Variants in SIGLEC8 observed in about 807,000 individuals in gnomAD.
SIGLEC8 encodes sialic acid binding Ig like lectin 8.
SIGLEC8 carries 32 observed loss-of-function variants against 42.1 expected under a neutral mutation model. That is an observed-to-expected ratio of 0.76 (90% CI 0.57 to 1.02). The LOEUF is 1.02. Ranked by LOEUF, SIGLEC8 falls within the 50% of genes least tolerant of loss-of-function variation. The pLI is 0.00. For missense variants in SIGLEC8, 611 were observed against 610.2 expected (o/e 1.00, Z -0.01); for synonymous variants, 262 against 260.3 (o/e 1.01, Z -0.06).
In SIGLEC8 at chr19:51,454,815, A is replaced by G. The variant is rs748281270; in HGVS notation, c.1052-35T>C. On this transcript the variant is annotated intron_variant, in intron 4 of 6. Transcript: ENST00000321424. This position sits in a 1 kb window ranked among gnomAD's most constrained non-coding sequence, Gnocchi z 4.7. ...GATTGGAGTTGCTTTGGGGATTTAT[A>G]TCACGGAGAAGTGGGTCTCTTCCCC... 2 of 1,523,670 alleles carry G rather than the reference A, an allele frequency of 1.3e-6. No homozygotes were observed. The highest frequency in any genetic ancestry group is 9.1e-7 in the Non-Finnish European group (1 of 1,097,922). The allele number at this position is 1,523,670 out of a possible 1,614,324, so 94.4% of individuals were successfully genotyped here.
intron 3 of SIGLEC8, among the ~76,000 whole-genome samples, chr19:51,456,741 C>T (rs981002999): frequency 2.6e-5 from 4 of 152,208 alleles, no homozygotes; most frequent in Non-Finnish European, 4.4e-5. Flanking sequence ...GGAGGACAGA[C>T]TTTGCTGTGC....
At position 51,454,466 on chromosome 19, in the gene SIGLEC8, C is replaced by G; in HGVS notation, c.1149-151G>C. ...GTTCCAGAGACCCCAACGGTGAAAA[C>G]AGAGGCTCCTGCCTCATGGATGGTG... On this transcript the variant is annotated intron_variant, in intron 5 of 6. Transcript: ENST00000321424. This position sits in a 1 kb window ranked among gnomAD's most constrained non-coding sequence, Gnocchi z 4.7. The G allele has an allele frequency of 6.9e-7, 1 of 1,449,758 alleles. No homozygotes were observed. Among genetic ancestry groups the G allele is most frequent in the African/African-American group, 1.4e-5 (1 of 69,608 alleles). 89.8% of individuals were successfully genotyped at this position (1,449,758 alleles called of 1,614,324 possible).
At chr19:51,457,265 A>G (rs757133392) in intron 2 of SIGLEC8, 34 bp from the exon 3 acceptor site, 3 of 1,602,546 alleles carry the variant, frequency 1.9e-6, no homozygotes, top group African/African-American at 1.3e-5. Context: ...CCACATTACT[A>G]TAAGGACTGG....
At position 51,455,668 on chromosome 19, in the gene SIGLEC8, A is replaced by T. The variant is rs746929082; in HGVS notation, c.801T>A (p.Asn267Lys). The T allele has an allele frequency of 1.2e-5, 20 of 1,613,534 alleles. 1 individual carries two copies. The South Asian group carries it at 1.8e-4, about 14-fold the overall frequency. The change falls in exon 4 of 7, where the codon AAT (asparagine) becomes AAA (lysine). Residue 267 changes from asparagine (N) to lysine (K), a missense_variant. Asn to Lys is a moderately conservative substitution (Grantham distance 94, BLOSUM62 0). Coordinates refer to ENST00000321424, the MANE Select transcript of SIGLEC8 (RefSeq NM_014442.3). Reference sequence around the variant, plus strand: ...CCTCAAGGACTGAAAGAGATGAGCCATTTCCCAGGGCTGTGGATGCTGCAG... The same window carrying T: ...CCTCAAGGACTGAAAGAGATGAGCCTTTTCCCAGGGCTGTGGATGCTGCAG... ...GDATASTALG[N>K]GSSLSVLEGQ...
chr19:51,455,877 A>G (rs1408765316), intron 3 of SIGLEC8, among the ~76,000 whole-genome samples, 190 bp from the exon 4 acceptor site: 3 of 152,226 alleles, frequency 2.0e-5, no homozygotes, highest in Non-Finnish European at 4.4e-5. Context: ...CATATACACC[A>G]TGGAATACTA....
At position 51,457,467 on chromosome 19, in the gene SIGLEC8, C is replaced by T. The variant is rs201705878; in HGVS notation, c.727G>A (p.Val243Met). ...VTTTSTVRLD[V>M]SYPPWNLTMT... ...ATCTTGGTCCAGCACTCACAGGACA[C>T]ATCGAGGCGGACGGTACTGGTCGTG... Residue 243 changes from valine to methionine, a missense_variant, in exon 2 of 7, where the codon GTG becomes ATG. Transcript: ENST00000321424. 1.8e-5 allele frequency: 29 copies of T among 1,613,692 alleles called. No homozygotes were observed. In the East Asian group the frequency reaches 6.0e-4, roughly 33 times the overall value.
chr19:51,451,524 C>A lies in SIGLEC8; in HGVS notation c.*855G>T, dbSNP rs1197687744. Reference sequence around the variant, plus strand: ...CCTGAAAACTTATGGCTAAGGGGTGCCCAGCCTGCTGATTGCTTGACTCAG... The same window carrying A: ...CCTGAAAACTTATGGCTAAGGGGTGACCAGCCTGCTGATTGCTTGACTCAG... On this transcript the variant is annotated 3_prime_UTR_variant, in exon 7 of 7. Transcript: ENST00000321424. The A allele has an allele frequency of 6.6e-6, 1 of 152,102 alleles. No homozygotes were observed. The highest frequency in any genetic ancestry group is 1.5e-5 in the Non-Finnish European group (1 of 68,040). The allele number at this position is 152,102 out of a possible 1,614,324, so 9.4% of individuals were successfully genotyped here. A position where few individuals can be genotyped will look rare whatever the true frequency, so the allele number is the denominator to read the frequency against.
At position 51,454,677 on chromosome 19, in the gene SIGLEC8, T is replaced by A; in HGVS notation, c.1148+7A>T. On this transcript the variant is annotated splice_region_variant and intron_variant, in intron 5 of 6. Coordinates refer to ENST00000321424, the MANE Select transcript of SIGLEC8 (RefSeq NM_014442.3). This position sits in a 1 kb window ranked among gnomAD's most constrained non-coding sequence, Gnocchi z 4.7. The stretch of plus-strand genomic sequence containing the variant: ...TCTCTCTCTCCCTCCCCAGGGTCAA[T>A]GCTCACATGATGAAGATGATGCAGA... 1 of 1,608,792 alleles carries A rather than the reference T, an allele frequency of 6.2e-7. No homozygotes were observed. The highest frequency in any genetic ancestry group is 8.5e-7 in the Non-Finnish European group (1 of 1,175,440).
In SIGLEC8 at chr19:51,451,732, A is replaced by G. The variant is rs1875422984; in HGVS notation, c.*647T>C. 1 of 152,234 alleles carries G rather than the reference A, an allele frequency of 6.6e-6. No homozygotes were observed. The highest frequency in any genetic ancestry group is 1.5e-5 in the Non-Finnish European group (1 of 68,052). 9.4% of individuals were successfully genotyped at this position (152,234 alleles called of 1,614,324 possible). A position where few individuals can be genotyped will look rare whatever the true frequency, so the allele number is the denominator to read the frequency against. On this transcript the variant is annotated 3_prime_UTR_variant, in exon 7 of 7. Transcript: ENST00000321424. ...AATATTTATCTGTTTTTGTGAGACCATTTAAAATCTTCTTTTAGCTCCTTG... is the reference window on the plus strand; with the variant it reads ...AATATTTATCTGTTTTTGTGAGACCGTTTAAAATCTTCTTTTAGCTCCTTG...
Position 51,452,311 on chromosome 19 carries a change from C to T in SIGLEC8, c.*68G>A. ...GACATTGGTCCAAGTTTTGGTTAGA[C>T]AGGAGGAGGGAGCCCTGGTGACCTA... On this transcript the variant is annotated 3_prime_UTR_variant, in exon 7 of 7. Transcript: ENST00000321424. 7.2e-7 allele frequency: 1 copy of T among 1,393,522 alleles called. No individual in the cohort carries two copies. Among genetic ancestry groups the T allele is most frequent in the Non-Finnish European group, 9.7e-7 (1 of 1,029,660 alleles). 86.3% of individuals were successfully genotyped at this position (1,393,522 alleles called of 1,614,324 possible).
At position 51,457,694 on chromosome 19, in the gene SIGLEC8, G is replaced by A. The variant is rs1360052765; in HGVS notation, c.500C>T (p.Ser167Phe). 4.4e-6 allele frequency: 7 copies of A among 1,603,412 alleles called. No individual in the cohort carries two copies. Among genetic ancestry groups the A allele is most frequent in the Admixed American group, 1.7e-5 (1 of 58,462 alleles). Reference sequence around the variant, plus strand: ...GCAGGTCAGGTTCCTGGAGTGGCCAGACTCTAGGGTCCCTAGGATGAGGAT... The same window carrying A: ...GCAGGTCAGGTTCCTGGAGTGGCCAAACTCTAGGGTCCCTAGGATGAGGAT... ...PDILILGTLE[S>F]GHSRNLTCSV... Residue 167 changes from serine to phenylalanine, a missense_variant, in exon 2 of 7, where the codon TCT becomes TTT. By Grantham distance (155) the Ser-to-Phe change is radical. Transcript: ENST00000321424.
chr19:51,452,526 G>A lies in SIGLEC8; in HGVS notation c.1353C>T (p.Ser451=). ...GGTCCTGAGGCTTCACTTTATGGAA[G>A]CTGAGGGTTGCATAATGGAGCTCTC... ...EEGELHYATL[S]FHKVKPQDPQ... The change falls in exon 7 of 7, where the codon AGC becomes AGT. Residue 451 remains serine, a synonymous_variant. Transcript: ENST00000321424. 6.2e-7 allele frequency: 1 copy of A among 1,601,476 alleles called. No homozygotes were observed. Among genetic ancestry groups the A allele is most frequent in the Non-Finnish European group, 8.6e-7 (1 of 1,169,472 alleles).
chr19:51,454,420 A>T lies in SIGLEC8; in HGVS notation c.1149-105T>A. ...CTACTGGGGGCTTGAGGGGTGACCGAGGCGCAACGGCGGTGGTCCAGTTCC... is the reference window on the plus strand; with the variant it reads ...CTACTGGGGGCTTGAGGGGTGACCGTGGCGCAACGGCGGTGGTCCAGTTCC... On this transcript the variant is annotated intron_variant, in intron 5 of 6. Coordinates refer to ENST00000321424, the MANE Select transcript of SIGLEC8 (RefSeq NM_014442.3). The surrounding 1 kb of genome is among the most constrained non-coding windows in gnomAD (Gnocchi z 4.7). 6.3e-7 allele frequency: 1 copy of T among 1,597,424 alleles called. No homozygotes were observed. Among genetic ancestry groups the T allele is most frequent in the South Asian group, 1.1e-5 (1 of 89,920 alleles).
chr19:51,457,515 T>A lies in SIGLEC8; in HGVS notation c.679A>T (p.Thr227Ser). 1 of 1,613,806 alleles carries A rather than the reference T, an allele frequency of 6.2e-7. No homozygotes were observed. The highest frequency in any genetic ancestry group is 8.5e-7 in the Non-Finnish European group (1 of 1,179,974). The part of the protein sequence containing the change: ...DHGTSLTCQV[T>S]LPGTGVTTTS... ...GTGGTCACACCTGTCCCAGGCAAGG[T>A]CACCTGACAGGTGAGGCTGGTGCCG... The change falls in exon 2 of 7, where the codon ACC becomes TCC. Residue 227 changes from threonine (T) to serine (S), a missense_variant. Transcript: ENST00000321424.
chr19:51,457,825 C>T (rs927909705), intron 1 of SIGLEC8, 86 bp from the exon 2 acceptor site: 27 of 1,546,404 alleles, frequency 1.7e-5, no homozygotes, highest in Admixed American at 5.5e-5. Flanking sequence ...AGCTCCTCCC[C>T]GGAGACCGAC....
Position 51,452,648 on chromosome 19 carries a change from A to C in SIGLEC8, c.1246-15T>G. On this transcript the variant is annotated splice_polypyrimidine_tract_variant and intron_variant, in intron 6 of 6. Transcript: ENST00000321424. ...GTCAGGGGTCCCTGGACAGAGAGAGAGAAGGGAGTCAGAACAGAGCAGTGG... is the reference window on the plus strand; with the variant it reads ...GTCAGGGGTCCCTGGACAGAGAGAGCGAAGGGAGTCAGAACAGAGCAGTGG... 6.6e-7 allele frequency: 1 copy of C among 1,506,358 alleles called. No individual in the cohort carries two copies. The highest frequency in any genetic ancestry group is 2.3e-5 in the East Asian group (1 of 43,630). 93.3% of individuals were successfully genotyped at this position (1,506,358 alleles called of 1,614,324 possible). A position where few individuals can be genotyped will look rare whatever the true frequency, so the allele number is the denominator to read the frequency against.
At chr19:51,457,396 A>T in intron 2 of SIGLEC8, 65 bp downstream of exon 2, 2 of 1,588,412 alleles carry the variant, frequency 1.3e-6, no homozygotes. Context: ...CTTGAACCCC[A>T]TCCCCTGCCC....
rs766999485 is a variant in SIGLEC8, at chr19:51,452,482, G to C, written c.1397C>G (p.Thr466Ser). The C allele has an allele frequency of 2.5e-6, 4 of 1,612,478 alleles. No homozygotes were observed. The South Asian group carries it at 4.4e-5, about 18-fold the overall frequency. The change falls in exon 7 of 7, where the codon ACT becomes AGT. Residue 466 changes from threonine to serine, a missense_variant. Physicochemically the swap from Thr to Ser is moderately conservative, Grantham distance 58 (BLOSUM62 1). Transcript: ENST00000321424. The stretch of plus-strand genomic sequence containing the variant: ...CTTGATCTCCGAGTATTCACTGTCA[G>C]TGGCCTCCTGTCCCTGCGGGTCCTG... ...KPQDPQGQEA[T>S]DSEYSEIKIH...
At chr19:51,457,424 C>T in intron 2 of SIGLEC8, 37 bp downstream of exon 2, 1 of 1,611,252 alleles carries the variant, frequency 6.2e-7, no homozygotes, top group South Asian at 1.1e-5. Flanking sequence ...CACCTCCCAA[C>T]CCATGAGGGA....
Sources: allele counts gnomAD v4.1 joint callset (sites outside exome capture counted in the v4.1 genomes callset), GRCh38; gene constraint gnomAD v4.1.1; non-coding constraint Gnocchi (gnomAD v3.1); transcripts MANE v1.5; gene names NCBI Gene and HGNC (gene_info 2026-07-23, HGNC 2026-07-21).